RNF180: variants seen among roughly 807,000 people sequenced by gnomAD.
RNF180 encodes E3 ubiquitin-protein ligase RNF180.
RNF180 carries 38 observed loss-of-function variants against 59.2 expected under a neutral mutation model. That is an observed-to-expected ratio of 0.64 (90% CI 0.50 to 0.84). The LOEUF is 0.84. Ranked by LOEUF, RNF180 falls within the 40% of genes least tolerant of loss-of-function variation. The probability of loss-of-function intolerance (pLI) is 0.00; values close to 1 mark genes in which losing one functional copy is unlikely to be tolerated. For synonymous variants in RNF180, 262 were observed against 240.3 expected, an observed-to-expected ratio of 1.09 and a Z score of -0.84; for missense variants, 705 against 700.9, an observed-to-expected ratio of 1.01 and a Z score of -0.07.
intron 5 of RNF180, among the ~76,000 whole-genome samples, chr5:64,275,754 T>C (rs577117711): frequency 1.3e-5 from 2 of 152,142 alleles, no homozygotes; most frequent in Admixed American, 1.3e-4. Flanking sequence ...GCTTGTCTGA[T>C]GCTTTCTGAG....
rs987084187 is a variant in RNF180 at position 64,213,886 on chromosome 5, G to A, written c.560G>A (p.Arg187Gln). The A allele has an allele frequency of 2.5e-6, 4 of 1,613,882 alleles. No homozygotes were observed. The highest frequency in any genetic ancestry group is 1.1e-5 in the South Asian group (1 of 91,072). ...ACAGAAGCACTCTGCCTGGAGGTGC[G>A]ACCAACATATTTTGAGATGAAGAAC... ...RLTEALCLEV[R>Q]PTYFEMKNEK... Residue 187 changes from arginine (R) to glutamine (Q), a missense_variant, in exon 4 of 8, where the codon CGA (arginine) becomes CAA (glutamine). Coordinates refer to ENST00000389100, the MANE Select transcript of RNF180 (RefSeq NM_001113561.2).
rs578250352 is a variant in RNF180, at chr5:64,218,921, A to T, written c.1227+1525A>T. ...CTTTGTATCTTGTGTTATTAAGAGT[A>T]TACATTCTTGACGTTTCTTGTCAGA... On this transcript the variant is annotated intron_variant, in intron 5 of 7. Transcript: ENST00000389100. Among the ~76,000 whole-genome samples the T allele has an allele frequency of 2.0e-5, 3 of 152,306 alleles. No homozygotes were observed. The East Asian group carries it at 5.8e-4, about 29-fold the overall frequency.
At chr5:64,317,597 T>TACACAC (rs750376789) in intron 5 of RNF180, among the ~76,000 whole-genome samples, 1 of 123,868 alleles carries the variant, frequency 8.1e-6, no homozygotes, top group Non-Finnish European at 1.6e-5. Flanking sequence ...TACATATTTA[T>TACACAC]ACACACACAC....
intron 7 of RNF180, among the ~76,000 whole-genome samples, chr5:64,350,368 G>A (rs1185305408): frequency 6.6e-6 from 1 of 152,092 alleles, no homozygotes; most frequent in African/African-American, 2.4e-5. Context: ...TAGGTTGCCT[G>A]TTCACTCTGA....
chr5:64,333,969 G>A (rs1362049510), intron 7 of RNF180, among the ~76,000 whole-genome samples: 2 of 152,294 alleles, frequency 1.3e-5, no homozygotes, highest in Non-Finnish European at 2.9e-5. Flanking sequence ...TACTGCAATA[G>A]TATAACCAAG....
chr5:64,298,324 G>C (rs1240259679), intron 5 of RNF180, among the ~76,000 whole-genome samples: 2 of 151,964 alleles, frequency 1.3e-5, no homozygotes, highest in African/African-American at 4.8e-5. Flanking sequence ...CCATGCCTAT[G>C]TCCAGGTTGG....
chr5:64,197,276 A>G (rs1751502348), intron 1 of RNF180, among the ~76,000 whole-genome samples: 1 of 152,230 alleles, frequency 6.6e-6, no homozygotes, highest in South Asian at 2.1e-4. Flanking sequence ...ATTGAGAAGT[A>G]AGATTTTCAA....
intron 5 of RNF180, among the ~76,000 whole-genome samples, chr5:64,244,364 C>T (rs1743017195): frequency 6.6e-6 from 1 of 151,506 alleles, no homozygotes; most frequent in South Asian, 2.1e-4. Flanking sequence ...AAATTGCTAA[C>T]TAGAATAACA....
Position 64,306,830 on chromosome 5 carries a change from G to C in RNF180, c.1228-18356G>C, listed in dbSNP as rs191497215. 1.1e-3 allele frequency among the ~76,000 whole-genome samples: 163 copies of C among 151,346 alleles called. 6 individuals are homozygous for C. In the East Asian group the frequency reaches 0.03, roughly 28 times the overall value. The stretch of plus-strand genomic sequence containing the variant: ...CACACACTGAGGACTGTTGTGGGGT[G>C]GGGGGAGGAGGGAGGGATAGCATTA... On this transcript the variant is annotated intron_variant, in intron 5 of 7. Transcript: ENST00000389100.
At chr5:64,204,997 C>T (rs1751942105) in intron 2 of RNF180, among the ~76,000 whole-genome samples, 1 of 152,124 alleles carries the variant, frequency 6.6e-6, no homozygotes, top group East Asian at 1.9e-4. Context: ...GCTGTTGACT[C>T]CAGGACCAAT....
chr5:64,269,844 A>C (rs1429877448), intron 5 of RNF180, among the ~76,000 whole-genome samples: 1 of 152,180 alleles, frequency 6.6e-6, no homozygotes, highest in Non-Finnish European at 1.5e-5. Context: ...AAATTTTGGC[A>C]CGTATTTAAA....
intron 5 of RNF180, among the ~76,000 whole-genome samples, chr5:64,230,192 T>G (rs1742018016): frequency 6.6e-6 from 1 of 152,204 alleles, no homozygotes; most frequent in South Asian, 2.1e-4. Context: ...TTTAAGGAAA[T>G]GAAGGTACTA....
intron 5 of RNF180, among the ~76,000 whole-genome samples, chr5:64,219,082 A>G (rs903723324): frequency 1.8e-4 from 27 of 152,194 alleles, no homozygotes; most frequent in South Asian, 4.1e-4. Context: ...TGATATTAGC[A>G]TGAAAGCATT....
intron 2 of RNF180, among the ~76,000 whole-genome samples, chr5:64,201,344 G>A (rs1751735229): frequency 6.6e-6 from 1 of 151,844 alleles, no homozygotes; most frequent in South Asian, 2.1e-4. Flanking sequence ...ATTCACTATG[G>A]GCCTAGAAAA....
At chr5:64,333,217 G>T (rs369520755) in intron 7 of RNF180, among the ~76,000 whole-genome samples, 1 of 151,832 alleles carries the variant, frequency 6.6e-6, no homozygotes, top group South Asian at 2.1e-4. Context: ...TGGCTCTATC[G>T]CCCAGGCTAG....
Position 64,214,198 on chromosome 5 carries a change from T to G in RNF180, c.872T>G (p.Leu291Arg). 6.2e-7 allele frequency: 1 copy of G among 1,614,158 alleles called. No homozygotes were observed. Among genetic ancestry groups the G allele is most frequent in the Admixed American group, 1.7e-5 (1 of 59,996 alleles). The stretch of plus-strand genomic sequence containing the variant: ...CCATCCAGTTTTGATCCTAGTATGC[T>G]GCTGCAAAGATTTTCAGTGGCCCCC... ...QNPSSFDPSMLLQRFSVAPHE... is the reference protein window; with the variant it reads ...QNPSSFDPSMRLQRFSVAPHE... Residue 291 changes from leucine (L) to arginine (R), a missense_variant, in exon 4 of 8, where the codon CTG (leucine) becomes CGG (arginine). Physicochemically the swap from Leu to Arg is moderately radical, Grantham distance 102. Coordinates refer to ENST00000389100, the MANE Select transcript of RNF180 (RefSeq NM_001113561.2).
upstream of RNF180, chr5:64,165,779 G>T (rs1203462690): frequency 3.3e-5 from 5 of 152,222 alleles, no homozygotes; most frequent in East Asian, 7.8e-4. Flanking sequence ...CCGCGGGGTC[G>T]GGGCTGCAGG....
At chr5:64,246,475 A>G (rs1265130768) in intron 5 of RNF180, among the ~76,000 whole-genome samples, 2 of 152,216 alleles carry the variant, frequency 1.3e-5, no homozygotes, top group African/African-American at 2.4e-5. Context: ...AGAGAATACT[A>G]TAAACACCTC....
chr5:64,230,705 T>A (rs906609131), intron 5 of RNF180, among the ~76,000 whole-genome samples: 1 of 152,172 alleles, frequency 6.6e-6, no homozygotes, highest in Non-Finnish European at 1.5e-5. Context: ...GGGAGGGAAA[T>A]ATTATTCTGC....
Sources: allele counts gnomAD v4.1 joint callset (sites outside exome capture counted in the v4.1 genomes callset), GRCh38; gene constraint gnomAD v4.1.1; transcripts MANE v1.5; gene names NCBI Gene and HGNC (gene_info 2026-07-23, HGNC 2026-07-21).